The following PTPN3 variants were observed in gnomAD, a reference collection of about 807,000 sequenced individuals.
PTPN3 encodes tyrosine-protein phosphatase non-receptor type 3.
PTPN3 carries 96 observed loss-of-function variants against 132.7 expected under a neutral mutation model. The observed-to-expected ratio is 0.72, with a 90% confidence interval of 0.61 to 0.86. PTPN3 has a LOEUF of 0.86. Among genes scored for constraint, PTPN3 ranks in the 40% least tolerant of loss-of-function variants. PTPN3 has a pLI of 0.00. For synonymous variants in PTPN3, 398 were observed against 429.0 expected, an observed-to-expected ratio of 0.93 and a Z score of 0.89; for missense variants, 1,125 against 1,159.6, an observed-to-expected ratio of 0.97 and a Z score of 0.43.
At chr9:109,481,475 A>G (rs1484028970) in intron 1 of PTPN3, among the ~76,000 whole-genome samples, 1 of 152,022 alleles carries the variant, frequency 6.6e-6, no homozygotes, top group Non-Finnish European at 1.5e-5. Flanking sequence ...GCTTGTTCCA[A>G]CCTTGGGTGT....
intron 14 of PTPN3, chr9:109,417,875 A>C: frequency 1.2e-6 from 1 of 806,106 alleles, no homozygotes; most frequent in African/African-American, 1.9e-5. Context: ...CCAAGATGAC[A>C]CACTTTACAA....
chr9:109,463,012 A>C (rs1331833563), intron 2 of PTPN3, among the ~76,000 whole-genome samples: 4 of 150,682 alleles, frequency 2.7e-5, no homozygotes, highest in African/African-American at 9.7e-5. Flanking sequence ...TCCACTTCCC[A>C]AACCAGTCTC....
intron 1 of PTPN3, among the ~76,000 whole-genome samples, chr9:109,496,714 T>A (rs4978815): frequency 2.6e-5 from 4 of 152,104 alleles, no homozygotes; most frequent in South Asian, 2.1e-4. Context: ...AAAGGGGTGC[T>A]GGGGTGGCAT....
At chr9:109,533,914 T>A in the PTPN3 span, 1 of 752,166 alleles carries the variant, frequency 1.3e-6, no homozygotes, top group South Asian at 1.5e-5. Flanking sequence ...TACGGTCTGC[T>A]GCATGTTTAC....
chr9:109,527,119 A>C, the PTPN3 span, among the ~76,000 whole-genome samples: 3 of 152,356 alleles, frequency 2.0e-5, no homozygotes, highest in African/African-American at 7.2e-5. Flanking sequence ...GGATACAAAA[A>C]AGTATAAGTC....
chr9:109,463,685 T>C (rs915322044), intron 1 of PTPN3, among the ~76,000 whole-genome samples: 10 of 152,232 alleles, frequency 6.6e-5, no homozygotes, highest in African/African-American at 2.2e-4. Flanking sequence ...CATGTCTTAT[T>C]AACTCCCTGG....
the PTPN3 span, among the ~76,000 whole-genome samples, chr9:109,509,343 A>G: frequency 6.6e-6 from 1 of 152,206 alleles, no homozygotes; most frequent in Admixed American, 6.5e-5. Context: ...GGGTAAATGC[A>G]TTGAGGCAAC....
intron 18 of PTPN3, among the ~76,000 whole-genome samples, chr9:109,405,717 G>A (rs950011266): frequency 6.6e-6 from 1 of 152,218 alleles, no homozygotes; most frequent in Non-Finnish European, 1.5e-5. Context: ...AGCCTCCTGA[G>A]TAGCTGGGAC....
rs772742064 is a variant in PTPN3, at chr9:109,438,359, C to T, written c.467-125G>A. 5 of 1,061,554 alleles carry T rather than the reference C, an allele frequency of 4.7e-6. No homozygotes were observed. In the South Asian group the frequency reaches 5.1e-5, roughly 11 times the overall value. 65.8% of individuals were successfully genotyped at this position (1,061,554 alleles called of 1,614,324 possible). On this transcript the variant is annotated intron_variant, in intron 7 of 25. Coordinates refer to ENST00000374541, the MANE Select transcript of PTPN3 (RefSeq NM_002829.4). ...AGAAATACTCTTCTGGTAAGTTCTA[C>T]ACCACATGAACTGAAGCTTCTCACT...
At chr9:109,460,679 G>A (rs948904883) in intron 2 of PTPN3, among the ~76,000 whole-genome samples, 2 of 152,122 alleles carry the variant, frequency 1.3e-5, no homozygotes, top group African/African-American at 4.8e-5. Flanking sequence ...TCATCAGTGG[G>A]GACGTCTCTG....
At chr9:109,389,069 C>T (rs1371787) in intron 22 of PTPN3, among the ~76,000 whole-genome samples, 164 bp downstream of exon 22, 123,351 of 152,032 alleles carry the variant, frequency 0.81, 50,561 homozygotes, top group African/African-American at 0.94. Flanking sequence ...AGGGCTGAGC[C>T]TCCCGTCACT....
intron 12 of PTPN3, among the ~76,000 whole-genome samples, chr9:109,423,624 CAG>C (rs1045871312): frequency 4.6e-5 from 7 of 152,120 alleles, no homozygotes; most frequent in African/African-American, 1.4e-4. Flanking sequence ...AAAAATTATA[CAG>C]AGTTTCAGGC....
intron 1 of PTPN3, among the ~76,000 whole-genome samples, chr9:109,476,793 G>A (rs1247238345): frequency 6.6e-6 from 1 of 152,162 alleles, no homozygotes; most frequent in Non-Finnish European, 1.5e-5. Flanking sequence ...CACAGGGCCT[G>A]GCCCGCCACA....
intron 10 of PTPN3, 171 bp from the exon 11 acceptor site, chr9:109,428,855 A>C (rs1243655213): frequency 1.0e-6 from 1 of 985,320 alleles, no homozygotes; most frequent in Non-Finnish European, 1.2e-6. Flanking sequence ...CCGCAGGCTA[A>C]TACCAAGTAG....
chr9:109,390,129 T>A (rs577537668), intron 21 of PTPN3, among the ~76,000 whole-genome samples: 2 of 152,306 alleles, frequency 1.3e-5, no homozygotes, highest in South Asian at 4.1e-4. Context: ...CTGGTCTTTA[T>A]GGTATTGCTG....
chr9:109,494,295 A>G (rs1847586085), intron 1 of PTPN3, among the ~76,000 whole-genome samples: 2 of 152,254 alleles, frequency 1.3e-5, no homozygotes, highest in Admixed American at 1.3e-4. Context: ...ACATAGTAAG[A>G]CTTTGTCTCC....
intron 7 of PTPN3, among the ~76,000 whole-genome samples, chr9:109,440,627 T>C (rs1844391088): frequency 6.6e-6 from 1 of 152,232 alleles, no homozygotes; most frequent in South Asian, 2.1e-4. Context: ...TAAATGACTT[T>C]TCCTGATCCT....
Position 109,382,361 on chromosome 9 carries a change from T to C in PTPN3, c.2469A>G (p.Glu823=), listed in dbSNP as rs745602524. 1 of 1,614,112 alleles carries C rather than the reference T, an allele frequency of 6.2e-7. No homozygotes were observed. The highest frequency in any genetic ancestry group is 8.5e-7 in the Non-Finnish European group (1 of 1,179,964). ...TCAGAGACCTCACATAGTTTACAAATTCCAGAAAGTCGGAGGAGTCATCGG... is the reference window on the plus strand; with the variant it reads ...TCAGAGACCTCACATAGTTTACAAACTCCAGAAAGTCGGAGGAGTCATCGG... ...GVPDDSSDFL[E]FVNYVRSLRV... The change falls in exon 24 of 26, where the codon GAA becomes GAG. Residue 823 remains glutamate (E), a synonymous_variant. Transcript: ENST00000374541.
At chr9:109,424,849 G>A (rs1022172528) in intron 12 of PTPN3, among the ~76,000 whole-genome samples, 1 of 152,216 alleles carries the variant, frequency 6.6e-6, no homozygotes, top group Non-Finnish European at 1.5e-5. Flanking sequence ...ATTTTCTTGT[G>A]CCACAATACA....
Sources: gnomAD v4.1 joint callset for allele counts (sites outside exome capture counted in the v4.1 genomes callset) on GRCh38, gnomAD v4.1.1 for gene constraint, MANE v1.5 for transcripts, NCBI Gene and HGNC (gene_info 2026-07-23, HGNC 2026-07-21) for gene names.